The following SYN2 variants were observed in gnomAD, a reference collection of about 807,000 sequenced individuals.
The protein encoded by SYN2 is synapsin-2.
A neutral mutation model predicts 50.9 loss-of-function variants in SYN2; 19 were observed. The observed-to-expected ratio is 0.37, with a 90% CI of 0.26 to 0.55. The LOEUF is 0.55. Among genes scored for constraint, SYN2 ranks in the 20% least tolerant of loss-of-function variants. The pLI, the probability that SYN2 is intolerant of heterozygous loss-of-function variation, is 0.81. For synonymous variants in SYN2, 255 were observed against 224.9 expected, an observed-to-expected ratio of 1.13 and a Z score of -1.20; for missense variants, 587 against 576.4, an observed-to-expected ratio of 1.02 and a Z score of -0.19.
intron 5 of SYN2, among the ~76,000 whole-genome samples, chr3:12,161,020 G>A (rs1697633870): frequency 6.6e-6 from 1 of 152,168 alleles, no homozygotes; most frequent in South Asian, 2.1e-4. Context: ...GGTGAGATTG[G>A]GGTATTGGTG....
chr3:12,123,840 C>G (rs1696610574), intron 1 of SYN2, among the ~76,000 whole-genome samples: 2 of 151,962 alleles, frequency 1.3e-5, no homozygotes, highest in South Asian at 4.2e-4. Context: ...AAAACCCCGT[C>G]TCTACAAAAA....
intron 1 of SYN2, among the ~76,000 whole-genome samples, chr3:12,014,276 A>T (rs965797563): frequency 3.9e-5 from 6 of 152,352 alleles, no homozygotes; most frequent in Admixed American, 1.3e-4. Context: ...ATTGAGCAGC[A>T]AGAGAGTCAA....
At chr3:12,132,023 T>C (rs953455976) in intron 1 of SYN2, among the ~76,000 whole-genome samples, 2 of 146,602 alleles carry the variant, frequency 1.4e-5, no homozygotes, top group African/African-American at 2.7e-5. Flanking sequence ...TCTTTTCTTT[T>C]TCTTTTTTTT....
At chr3:12,147,274 C>G (rs567878453) in intron 4 of SYN2, among the ~76,000 whole-genome samples, 1 of 151,842 alleles carries the variant, frequency 6.6e-6, no homozygotes, top group South Asian at 2.1e-4. Context: ...TTTTTTTCAC[C>G]CTGGAACTAA....
intron 11 of SYN2, chr3:12,184,979 T>C (rs949348188): frequency 3.0e-6 from 3 of 985,662 alleles, no homozygotes; most frequent in South Asian, 9.4e-5. Flanking sequence ...GGAACTAGTG[T>C]TGGTGGTATG....
intron 4 of SYN2, 127 bp from the exon 5 acceptor site, chr3:12,151,110 T>C (rs564619546): frequency 3.8e-5 from 25 of 661,506 alleles, no homozygotes; most frequent in Non-Finnish European, 6.1e-5. Flanking sequence ...ACTTCTTTTA[T>C]ATCCTCACAA....
chr3:12,173,407 A>G (rs310753), intron 10 of SYN2, among the ~76,000 whole-genome samples: 97,003 of 152,002 alleles, frequency 0.64, 33,685 homozygotes, highest in South Asian at 0.79. Flanking sequence ...ACCCACATGA[A>G]TCTGCTCTAA....
At position 12,097,810 on chromosome 3, in the gene SYN2, C is replaced by G. The variant is rs540054713; in HGVS notation, c.378-42841C>G. On this transcript the variant is annotated intron_variant, in intron 1 of 12. Transcript: ENST00000621198. ...ATAGGTGGGAATTGAACAATGAGAA[C>G]ACTTGGACACAGAGTGGGGAACATC... Among the ~76,000 whole-genome samples, 16 of 152,108 alleles carry G rather than the reference C, an allele frequency of 1.1e-4. No individual in the cohort carries two copies. The South Asian group carries it at 3.3e-3, about 32-fold the overall frequency.
chr3:12,184,904 T>C (rs1294284773), intron 11 of SYN2: 9 of 985,670 alleles, frequency 9.1e-6, no homozygotes, highest in Non-Finnish European at 1.1e-5. Context: ...CTGCTGGCTC[T>C]ATTTTTACAT....
intron 9 of SYN2, among the ~76,000 whole-genome samples, chr3:12,169,288 A>G (rs1255595408): frequency 6.6e-6 from 1 of 152,212 alleles, no homozygotes; most frequent in Non-Finnish European, 1.5e-5. Context: ...AGGGCAACCC[A>G]GTTCAGGTAC....
intron 11 of SYN2, chr3:12,185,308 T>G: frequency 3.0e-6 from 3 of 985,744 alleles, no homozygotes; most frequent in Non-Finnish European, 3.6e-6. Flanking sequence ...GTGGTATTGC[T>G]TCTCTGCATG....
At chr3:12,035,346 A>G (rs1269708442) in intron 1 of SYN2, among the ~76,000 whole-genome samples, 1 of 152,188 alleles carries the variant, frequency 6.6e-6, no homozygotes, top group Non-Finnish European at 1.5e-5. Flanking sequence ...AGAGTTGCAC[A>G]CTGGTAGTTC....
At chr3:12,010,390 GATTAA>G (rs1419573013) in intron 1 of SYN2, among the ~76,000 whole-genome samples, 1 of 152,174 alleles carries the variant, frequency 6.6e-6, no homozygotes, top group Non-Finnish European at 1.5e-5. Flanking sequence ...GGGATATAAG[GATTAA>G]ACACAGGCCA....
At chr3:12,056,682 A>G (rs771496114) in intron 1 of SYN2, among the ~76,000 whole-genome samples, 3 of 152,178 alleles carry the variant, frequency 2.0e-5, no homozygotes, top group Admixed American at 6.5e-5. Flanking sequence ...TAATTTCCTC[A>G]TGGTAATGAG....
At chr3:12,086,195 G>A (rs1166161732) in intron 1 of SYN2, among the ~76,000 whole-genome samples, 1 of 152,002 alleles carries the variant, frequency 6.6e-6, no homozygotes, top group Non-Finnish European at 1.5e-5. Context: ...ATCTGAACAG[G>A]CAATAATGAG....
intron 1 of SYN2, among the ~76,000 whole-genome samples, chr3:12,068,308 G>T (rs1574920914): frequency 1.3e-5 from 2 of 152,240 alleles, no homozygotes; most frequent in South Asian, 4.1e-4. Flanking sequence ...TGAAGGCATT[G>T]CTCAGTTATC....
intron 1 of SYN2, among the ~76,000 whole-genome samples, chr3:12,018,619 G>A (rs1276889604): frequency 6.6e-6 from 1 of 152,172 alleles, no homozygotes; most frequent in Non-Finnish European, 1.5e-5. Flanking sequence ...CCAATGAACA[G>A]CGCCATGAAG....
chr3:12,069,055 G>A (rs564278463), intron 1 of SYN2, among the ~76,000 whole-genome samples: 49 of 152,044 alleles, frequency 3.2e-4, no homozygotes, highest in Admixed American at 2.8e-3. Flanking sequence ...TTCACTTAGC[G>A]TAATGTTTTC....
At chr3:12,154,419 G>A in intron 5 of SYN2, 1 of 1,614,134 alleles carries the variant, frequency 6.2e-7, no homozygotes, top group Non-Finnish European at 8.5e-7. Flanking sequence ...TTGCACAGAT[G>A]GATGAAGACT....
Sources: gnomAD v4.1 joint callset for allele counts (sites outside exome capture counted in the v4.1 genomes callset) on GRCh38, gnomAD v4.1.1 for gene constraint, MANE v1.5 for transcripts, NCBI Gene and HGNC (gene_info 2026-07-23, HGNC 2026-07-21) for gene names.